Variants in PDE10A observed in about 807,000 individuals in gnomAD.
PDE10A encodes cAMP and cAMP-inhibited cGMP 3',5'-cyclic phosphodiesterase 10A.
Under a neutral mutation model 97.7 loss-of-function variants are expected in PDE10A, and 39 were observed. The ratio of observed to expected loss-of-function variants is 0.40; its 90% CI spans 0.31 to 0.52. The LOEUF (loss-of-function observed/expected upper bound fraction) is 0.52. PDE10A is among the 20% of genes least tolerant of loss of function. The pLI is 0.56. For synonymous variants in PDE10A, 371 were observed against 376.8 expected (o/e 0.98, Z 0.18); for missense variants, 731 against 1,047.8 (o/e 0.70, Z 4.17).
At chr6:165,392,020 C>T (rs530396419) in intron 16 of PDE10A, among the ~76,000 whole-genome samples, 2 of 152,130 alleles carry the variant, frequency 1.3e-5, no homozygotes, top group South Asian at 2.1e-4. Flanking sequence ...CCTTCAAAGT[C>T]GGGATTGTCC....
chr6:165,504,886 T>C (rs1043530249), intron 2 of PDE10A, among the ~76,000 whole-genome samples: 37 of 151,784 alleles, frequency 2.4e-4, no homozygotes, highest in African/African-American at 8.4e-4. Context: ...GAGCATCTTA[T>C]CATGTACTAT....
At chr6:165,796,735 C>T (rs1778842190) in intron 1 of PDE10A, among the ~76,000 whole-genome samples, 1 of 152,128 alleles carries the variant, frequency 6.6e-6, no homozygotes, top group South Asian at 2.1e-4. Flanking sequence ...AAACCAAGAC[C>T]CAATCCAGGT....
chr6:165,885,400 C>T (rs895782759), intron 1 of PDE10A, among the ~76,000 whole-genome samples: 1 of 152,150 alleles, frequency 6.6e-6, no homozygotes, highest in Non-Finnish European at 1.5e-5. Context: ...GTGAGAACTC[C>T]TTCACTATCA....
chr6:165,526,411 T>C (rs946849526), intron 2 of PDE10A, among the ~76,000 whole-genome samples: 5 of 152,154 alleles, frequency 3.3e-5, no homozygotes, highest in African/African-American at 9.7e-5. Flanking sequence ...AACCCCCACA[T>C]TGGCTCCTTG....
intron 4 of PDE10A, 62 bp downstream of exon 4, chr6:165,450,180 G>C: frequency 8.2e-7 from 1 of 1,213,858 alleles, no homozygotes; most frequent in Non-Finnish European, 1.1e-6. Flanking sequence ...AGTAGTTTTT[G>C]CTGCTTTTTG....
intron 1 of PDE10A, among the ~76,000 whole-genome samples, chr6:165,545,622 C>T (rs147023767): frequency 9.1e-4 from 139 of 152,078 alleles, no homozygotes; most frequent in African/African-American, 3.1e-3. Context: ...CCAAAGGCCA[C>T]TTCAGTAAAG....
At chr6:165,777,623 A>T (rs1778222549) in intron 1 of PDE10A, among the ~76,000 whole-genome samples, 1 of 152,234 alleles carries the variant, frequency 6.6e-6, no homozygotes, top group Non-Finnish European at 1.5e-5. Flanking sequence ...TTGGGGGGAA[A>T]ATGCCGGCTG....
chr6:165,621,771 A>AGAAGAAGAAGAAGAAGAAGAAGAAG (rs1554297070), intron 1 of PDE10A, among the ~76,000 whole-genome samples: 3 of 134,686 alleles, frequency 2.2e-5, no homozygotes, highest in African/African-American at 8.1e-5. Context: ...AAGAAAAAAA[A>AGAAGAAGAAGAAGAAGAAGAAGAAG]AAGAAGAAGA....
intron 1 of PDE10A, among the ~76,000 whole-genome samples, chr6:165,864,203 C>T (rs1583206797): frequency 6.6e-6 from 1 of 152,112 alleles, no homozygotes; most frequent in African/African-American, 2.4e-5. Context: ...ATATTGTCAC[C>T]ACCTGCTTAT....
Position 165,395,093 on chromosome 6 carries a change from C to G in PDE10A, c.2303+88G>C, listed in dbSNP as rs532407363. On this transcript the variant is annotated intron_variant, in intron 15 of 21. Transcript: ENST00000539869. ...TGCAGTATTTAAAAATAATTACAAA[C>G]AAAGATCGTGGTGAGGCATATATGT... The G allele has an allele frequency of 1.1e-4, 80 of 729,118 alleles. No homozygotes were observed. In the African/African-American group the frequency reaches 1.2e-3, roughly 11 times the overall value. The allele number at this position is 729,118 out of a possible 1,614,324, so 45.2% of individuals were successfully genotyped here.
chr6:165,603,386 G>C (rs1787060414), intron 1 of PDE10A, among the ~76,000 whole-genome samples: 2 of 152,234 alleles, frequency 1.3e-5, no homozygotes, highest in Non-Finnish European at 2.9e-5. Context: ...GCAGGAAACA[G>C]TGAAAACATA....
chr6:165,662,091 C>A lies in PDE10A; in HGVS notation c.721G>T (p.Gly241Cys). Residue 241 changes from glycine (G) to cysteine (C), a missense_variant, in exon 1 of 22, where the codon GGC becomes TGC. Physicochemically the swap from Gly to Cys is radical, Grantham distance 159. Coordinates refer to ENST00000539869, the MANE Select transcript of PDE10A (RefSeq NM_001385079.1). ...PGFPGAGPGG[G>C]GQTPRRPQGA... The stretch of plus-strand genomic sequence containing the variant: ...TGGGGACGCCGCGGAGTTTGGCCGC[C>A]GCCGCCTGGGCCGGCGCCGGGGAAG... 8.2e-7 allele frequency: 1 copy of A among 1,214,240 alleles called. No individual in the cohort carries two copies. 75.2% of individuals were successfully genotyped at this position (1,214,240 alleles called of 1,614,324 possible).
intron 1 of PDE10A, among the ~76,000 whole-genome samples, chr6:165,875,731 G>GTTTTTTTTTGTTTT (rs1554334699): frequency 4.3e-5 from 2 of 46,942 alleles, no homozygotes; most frequent in Non-Finnish European, 4.3e-5. Context: ...TTCTTTTACT[G>GTTTTTTTTTGTTTT]TTTTTTTTTT....
intron 1 of PDE10A, among the ~76,000 whole-genome samples, chr6:165,842,489 C>A (rs1780289766): frequency 6.6e-6 from 1 of 152,236 alleles, no homozygotes; most frequent in Non-Finnish European, 1.5e-5. Flanking sequence ...CAGCCCAGCA[C>A]CCACTGACTG....
intron 1 of PDE10A, among the ~76,000 whole-genome samples, chr6:165,788,533 A>G (rs1407583845): frequency 6.7e-6 from 1 of 148,354 alleles, no homozygotes; most frequent in African/African-American, 2.6e-5. Context: ...AAAAAAAAAA[A>G]AAAAAAGAAA....
At chr6:165,925,649 A>C (rs1782910356) in intron 1 of PDE10A, among the ~76,000 whole-genome samples, 1 of 152,214 alleles carries the variant, frequency 6.6e-6, no homozygotes, top group African/African-American at 2.4e-5. Flanking sequence ...TCATTTCAAT[A>C]ACATTCTTGA....
intron 1 of PDE10A, among the ~76,000 whole-genome samples, chr6:165,747,651 C>T (rs1205011252): frequency 3.3e-5 from 5 of 151,908 alleles, no homozygotes; most frequent in Admixed American, 6.6e-5. Flanking sequence ...GGGAGCCATC[C>T]GCACCTGAAG....
At chr6:165,740,532 A>T (rs544110824) in intron 1 of PDE10A, among the ~76,000 whole-genome samples, 1 of 152,050 alleles carries the variant, frequency 6.6e-6, no homozygotes, top group African/African-American at 2.4e-5. Context: ...ACGGGTTTTC[A>T]CTGTGTTAGC....
At chr6:165,356,875 A>G (rs1291890624) in intron 18 of PDE10A, among the ~76,000 whole-genome samples, 2 of 152,084 alleles carry the variant, frequency 1.3e-5, no homozygotes, top group African/African-American at 2.4e-5. Context: ...AGTCAGATTT[A>G]CTTTTTTCTT....
Sources: allele counts gnomAD v4.1 joint callset (sites outside exome capture counted in the v4.1 genomes callset), GRCh38; gene constraint gnomAD v4.1.1; transcripts MANE v1.5; gene names NCBI Gene and HGNC (gene_info 2026-07-23, HGNC 2026-07-21).